The following ZBTB7C variants were observed in gnomAD, a reference collection of about 807,000 sequenced individuals.
The protein encoded by ZBTB7C is zinc finger and BTB domain-containing protein 7C.
A neutral mutation model predicts 25.7 loss-of-function variants in ZBTB7C; 8 were observed. The ratio of observed to expected loss-of-function variants is 0.31; its 90% CI spans 0.18 to 0.56. The LOEUF is 0.56. Among genes scored for constraint, ZBTB7C ranks in the 20% least tolerant of loss-of-function variants. The pLI, the probability that ZBTB7C is intolerant of heterozygous loss-of-function variation, is 0.91. For synonymous variants in ZBTB7C, 394 were observed against 369.0 expected (o/e 1.07, Z -0.78); for missense variants, 824 against 855.2 (o/e 0.96, Z 0.46).
At chr18:48,141,982 A>C (rs2040363344) in intron 3 of ZBTB7C, among the ~76,000 whole-genome samples, 1 of 152,368 alleles carries the variant, frequency 6.6e-6, no homozygotes, top group Non-Finnish European at 1.5e-5. Flanking sequence ...ATAATAATGC[A>C]TTGCCGTTTA....
chr18:48,161,707 C>T (rs946580678), intron 3 of ZBTB7C, among the ~76,000 whole-genome samples: 2 of 151,380 alleles, frequency 1.3e-5, no homozygotes, highest in Non-Finnish European at 3.0e-5. Flanking sequence ...CCCGGCCCGG[C>T]CCGGGCGCCC....
chr18:48,377,142 G>A (rs2047538963), intron 1 of ZBTB7C, among the ~76,000 whole-genome samples: 1 of 152,132 alleles, frequency 6.6e-6, no homozygotes, highest in Non-Finnish European at 1.5e-5. Context: ...CGATGCTCTG[G>A]CAACCCCACT....
intron 2 of ZBTB7C, among the ~76,000 whole-genome samples, chr18:48,205,493 G>A (rs551826560): frequency 1.3e-5 from 2 of 151,928 alleles, no homozygotes; most frequent in African/African-American, 4.8e-5. Flanking sequence ...ATTTTCTGCA[G>A]GAAGGAAATA....
intron 2 of ZBTB7C, among the ~76,000 whole-genome samples, chr18:48,324,768 T>C (rs1431437123): frequency 3.3e-5 from 5 of 152,266 alleles, no homozygotes; most frequent in Middle Eastern, 6.8e-3. Context: ...TCCTGTGTGC[T>C]GCGTGAAGAC....
intron 4 of ZBTB7C, among the ~76,000 whole-genome samples, chr18:48,030,368 A>G (rs2035692011): frequency 1.3e-5 from 2 of 152,146 alleles, no homozygotes; most frequent in South Asian, 2.1e-4. Context: ...GCTTTGGCCC[A>G]AAGTCCCTGG....
chr18:48,305,651 G>A (rs2045655369), intron 2 of ZBTB7C, among the ~76,000 whole-genome samples: 4 of 152,176 alleles, frequency 2.6e-5, no homozygotes, highest in Admixed American at 2.6e-4. Flanking sequence ...ATGTGCTAAT[G>A]CCCAAGTAAG....
chr18:48,121,890 A>G (rs765188788), intron 3 of ZBTB7C, among the ~76,000 whole-genome samples: 1 of 152,184 alleles, frequency 6.6e-6, no homozygotes, highest in Admixed American at 6.5e-5. Flanking sequence ...GGATGGCTTT[A>G]GGGGAGACAG....
At chr18:48,174,795 C>T (rs1437030561) in intron 3 of ZBTB7C, among the ~76,000 whole-genome samples, 1 of 152,228 alleles carries the variant, frequency 6.6e-6, no homozygotes, top group Non-Finnish European at 1.5e-5. Context: ...ACATCTAAAT[C>T]TGTATTTACC....
chr18:48,358,828 G>T (rs1448573895), intron 1 of ZBTB7C, among the ~76,000 whole-genome samples: 1 of 152,192 alleles, frequency 6.6e-6, no homozygotes, highest in Non-Finnish European at 1.5e-5. Flanking sequence ...CACTTAGAGG[G>T]ATGAACTTTA....
chr18:48,325,995 C>A (rs1756550947), intron 2 of ZBTB7C, among the ~76,000 whole-genome samples: 1 of 151,930 alleles, frequency 6.6e-6, no homozygotes, highest in Admixed American at 6.6e-5. Flanking sequence ...GGTATCTTGG[C>A]AAGCATTTCG....
intron 3 of ZBTB7C, among the ~76,000 whole-genome samples, chr18:48,125,222 T>G (rs1211555274): frequency 1.3e-5 from 2 of 152,208 alleles, no homozygotes. Flanking sequence ...TAGTCCACAG[T>G]GACTCAATTA....
intron 2 of ZBTB7C, among the ~76,000 whole-genome samples, chr18:48,228,175 G>C (rs1184144429): frequency 1.3e-5 from 2 of 152,170 alleles, no homozygotes; most frequent in South Asian, 2.1e-4. Flanking sequence ...CCTGGCTGGA[G>C]AGTATGACTG....
rs1290529379 is a variant in ZBTB7C at position 48,328,197 on chromosome 18, A to G, written c.-79+9977T>C. Reference sequence around the variant, plus strand: ...ACTCTGTCTCAAAAAAAAAAAAAAAAAAAGAAATTAAGTGAAAACACAAGC... The same window carrying G: ...ACTCTGTCTCAAAAAAAAAAAAAAAGAAAGAAATTAAGTGAAAACACAAGC... On this transcript the variant is annotated intron_variant, in intron 2 of 4. Coordinates refer to ENST00000590800, the MANE Select transcript of ZBTB7C (RefSeq NM_001318841.2). 8.6e-5 allele frequency among the ~76,000 whole-genome samples: 13 copies of G among 152,022 alleles called. No individual in the cohort carries two copies. The East Asian group carries it at 1.7e-3, about 20-fold the overall frequency.
At chr18:48,338,121 T>C (rs540979416) in intron 2 of ZBTB7C, 53 bp downstream of exon 2, 1 of 152,264 alleles carries the variant, frequency 6.6e-6, no homozygotes, top group Non-Finnish European at 1.5e-5. Context: ...GCTGATATAT[T>C]CTCCTACCTG....
chr18:48,332,213 C>T (rs1055569591), intron 2 of ZBTB7C, among the ~76,000 whole-genome samples: 2 of 152,158 alleles, frequency 1.3e-5, no homozygotes, highest in African/African-American at 2.4e-5. Flanking sequence ...TCCCCCTGAA[C>T]ATCAGTCATG....
intron 2 of ZBTB7C, among the ~76,000 whole-genome samples, chr18:48,312,993 T>C (rs137988807): frequency 5.3e-5 from 8 of 152,350 alleles, no homozygotes; most frequent in Non-Finnish European, 1.2e-4. Flanking sequence ...ATTCCTATTG[T>C]CATCAACTCA....
chr18:48,200,965 A>G (rs1423196267), intron 2 of ZBTB7C, among the ~76,000 whole-genome samples: 2 of 152,172 alleles, frequency 1.3e-5, no homozygotes, highest in African/African-American at 4.8e-5. Flanking sequence ...AGGCCACCCC[A>G]GGCACCACCC....
intron 4 of ZBTB7C, 102 bp from the exon 5 acceptor site, chr18:48,030,013 C>A (rs2035677938): frequency 6.7e-7 from 1 of 1,495,400 alleles, no homozygotes; most frequent in Non-Finnish European, 9.1e-7. Flanking sequence ...CTCCCTACTG[C>A]CATGGAGTCA....
intron 2 of ZBTB7C, among the ~76,000 whole-genome samples, chr18:48,283,187 T>C (rs2044926281): frequency 6.6e-6 from 1 of 152,156 alleles, no homozygotes. Flanking sequence ...CCCAGAAATT[T>C]ATCTTCAGGA....
Sources: allele counts gnomAD v4.1 joint callset (sites outside exome capture counted in the v4.1 genomes callset), GRCh38; gene constraint gnomAD v4.1.1; transcripts MANE v1.5; gene names NCBI Gene and HGNC (gene_info 2026-07-23, HGNC 2026-07-21).